The following PCDHGA2 variants were observed in gnomAD, a reference collection of about 807,000 sequenced individuals.
PCDHGA2 encodes protocadherin gamma subfamily A, 2.
PCDHGA2 carries 40 observed loss-of-function variants against 59.2 expected under a neutral mutation model. The ratio of observed to expected loss-of-function variants is 0.68; its 90% CI spans 0.52 to 0.88. The LOEUF is 0.88. Among genes scored for constraint, PCDHGA2 ranks in the 40% least tolerant of loss-of-function variants. The probability of loss-of-function intolerance (pLI) is 0.00; values close to 1 mark genes in which losing one functional copy is unlikely to be tolerated. For missense variants in PCDHGA2, 1,226 were observed against 1,204.0 expected (o/e 1.02, Z -0.27); for synonymous variants, 560 against 526.0 (o/e 1.06, Z -0.89).
intron 1 of PCDHGA2, chr5:141,346,261 C>T (rs7736541): frequency 0.46 from 746,033 of 1,613,822 alleles, 179,365 homozygotes; most frequent in African/African-American, 0.8. Context: ...TTTGTGGGCG[C>T]GGACGGGGTT....
chr5:141,405,838 T>C (rs1561702145), intron 1 of PCDHGA2, among the ~76,000 whole-genome samples: 4 of 152,300 alleles, frequency 2.6e-5, no homozygotes, highest in Admixed American at 2.0e-4. Flanking sequence ...TAGTATAAGT[T>C]GATATCAGTG....
intron 1 of PCDHGA2, chr5:141,468,556 GAT>G (rs754546771): frequency 6.6e-6 from 1 of 151,930 alleles, no homozygotes; most frequent in Non-Finnish European, 1.5e-5. Flanking sequence ...TAACATTTGT[GAT>G]ATAGTAAACA....
At chr5:141,405,545 AAGTAGAGTAGCTGGGACTAG>A (rs1053729516) in intron 1 of PCDHGA2, 17 of 631,162 alleles carry the variant, frequency 2.7e-5, no homozygotes, top group African/African-American at 9.2e-5. Flanking sequence ...TCAGCCTCCC[AAGTAGAGTAGCTGGGACTAG>A]AGTAGAGTAG....
intron 1 of PCDHGA2, chr5:141,389,114 C>A: frequency 1.2e-6 from 2 of 1,614,004 alleles, no homozygotes; most frequent in Non-Finnish European, 1.7e-6. Flanking sequence ...TTCTAGACCG[C>A]GAGCAGAATC....
In PCDHGA2 at chr5:141,345,423, A is replaced by G. The variant is rs190743421; in HGVS notation, c.2424+4028A>G. On this transcript the variant is annotated intron_variant, in intron 1 of 3. Coordinates refer to ENST00000394576, the MANE Select transcript of PCDHGA2 (RefSeq NM_018915.4). ...ATCCTACTCCGCCTACATTCCAGAAAACAACCCCAGAGGAGCCTCCATCTT... is the reference window on the plus strand; with the variant it reads ...ATCCTACTCCGCCTACATTCCAGAAGACAACCCCAGAGGAGCCTCCATCTT... The G allele has an allele frequency of 9.9e-5, 160 of 1,613,976 alleles. No homozygotes were observed. The African/African-American group carries it at 1.9e-3, about 20-fold the overall frequency.
intron 1 of PCDHGA2, chr5:141,410,428 C>A (rs376561050): frequency 5.0e-6 from 8 of 1,613,906 alleles, no homozygotes; most frequent in African/African-American, 1.3e-5. Flanking sequence ...TTCCCCCCAA[C>A]TACAGTGAGG....
rs761396116 is a variant in PCDHGA2 at position 141,409,790 on chromosome 5, C to T, written c.2424+68395C>T. 4 of 1,612,010 alleles carry T rather than the reference C, an allele frequency of 2.5e-6. No homozygotes were observed. The Admixed American group carries it at 5.0e-5, about 20-fold the overall frequency. ...TCACGAGCAGCTGCGCGCCTTCGCGCTCACGCTGCAGGCCCGCGACCACGG... is the reference window on the plus strand; with the variant it reads ...TCACGAGCAGCTGCGCGCCTTCGCGTTCACGCTGCAGGCCCGCGACCACGG... On this transcript the variant is annotated intron_variant, in intron 1 of 3. Transcript: ENST00000394576.
intron 1 of PCDHGA2, among the ~76,000 whole-genome samples, chr5:141,472,346 C>G (rs1393301393): frequency 6.6e-6 from 1 of 151,722 alleles, no homozygotes; most frequent in Non-Finnish European, 1.5e-5. Flanking sequence ...TCGAGACCAT[C>G]CTGGCTAACA....
In PCDHGA2 at chr5:141,432,847, G is replaced by C. The variant is rs768265171; in HGVS notation, c.2425-61960G>C. ...ACCTCACTCTGTACCTGGTGGTAGC[G>C]GTGGCCGCGGTCTCCTGCGTCTTCC... On this transcript the variant is annotated intron_variant, in intron 1 of 3. Transcript: ENST00000394576. The surrounding 1 kb of genome is among the most constrained non-coding windows in gnomAD (Gnocchi z 6.0). The C allele has an allele frequency of 1.2e-6, 2 of 1,614,180 alleles. No homozygotes were observed. Among genetic ancestry groups the C allele is most frequent in the Admixed American group, 1.7e-5 (1 of 60,032 alleles).
At chr5:141,461,981 G>A (rs755173695) in intron 1 of PCDHGA2, among the ~76,000 whole-genome samples, 4 of 152,078 alleles carry the variant, frequency 2.6e-5, no homozygotes, top group Non-Finnish European at 5.9e-5. Context: ...ATGCCACCAC[G>A]CCAGGCTAAT....
intron 1 of PCDHGA2, chr5:141,407,918 C>T (rs890872713): frequency 1.1e-5 from 5 of 472,514 alleles, no homozygotes. Context: ...GGGCTGCTGT[C>T]CCGCACGGAG....
intron 1 of PCDHGA2, chr5:141,410,195 G>A (rs769655902): frequency 1.1e-5 from 18 of 1,613,966 alleles, no homozygotes; most frequent in Non-Finnish European, 1.0e-5. Context: ...TCTGGTCTTC[G>A]CAGACAACTT....
In PCDHGA2 at chr5:141,338,839, G is replaced by C; in HGVS notation, c.-133G>C. Reference sequence around the variant, plus strand: ...TTCAGGACACCAAAGAAATTCAGTCGAACAGCCCACCAGTTCTCTCCATAG... The same window carrying C: ...TTCAGGACACCAAAGAAATTCAGTCCAACAGCCCACCAGTTCTCTCCATAG... On this transcript the variant is annotated 5_prime_UTR_variant, in exon 1 of 4. Coordinates refer to ENST00000394576, the MANE Select transcript of PCDHGA2 (RefSeq NM_018915.4). 7.2e-7 allele frequency: 1 copy of C among 1,393,596 alleles called. No homozygotes were observed. The highest frequency in any genetic ancestry group is 9.3e-7 in the Non-Finnish European group (1 of 1,077,282). 86.3% of individuals were successfully genotyped at this position (1,393,596 alleles called of 1,614,324 possible). A position where few individuals can be genotyped will look rare whatever the true frequency, so the allele number is the denominator to read the frequency against.
intron 1 of PCDHGA2, among the ~76,000 whole-genome samples, chr5:141,483,644 G>GTGTT (rs919432945): frequency 6.8e-6 from 1 of 146,522 alleles, no homozygotes; most frequent in Non-Finnish European, 1.5e-5. Flanking sequence ...AGAGGGGTGT[G>GTGTT]TGTTTGTGTG....
At chr5:141,427,694 A>G in intron 1 of PCDHGA2, 2 of 913,934 alleles carry the variant, frequency 2.2e-6, no homozygotes, top group South Asian at 1.4e-5. Flanking sequence ...CCTCCATCCC[A>G]CAAGTCAGCG....
rs557968224 is a variant in PCDHGA2, at chr5:141,360,941, G to A, written c.2424+19546G>A. On this transcript the variant is annotated intron_variant, in intron 1 of 3. Coordinates refer to ENST00000394576, the MANE Select transcript of PCDHGA2 (RefSeq NM_018915.4). ...GTGCTTCAAGTGACAGCCACCGACC[G>A]GGATGAAGGCATAAACGCAGAGATC... The A allele has an allele frequency of 2.5e-6, 4 of 1,613,946 alleles. No homozygotes were observed. The South Asian group carries it at 3.3e-5, about 13-fold the overall frequency.
At chr5:141,480,715 G>A (rs906358826) in intron 1 of PCDHGA2, among the ~76,000 whole-genome samples, 1 of 152,124 alleles carries the variant, frequency 6.6e-6, no homozygotes, top group African/African-American at 2.4e-5. Flanking sequence ...ACAAATGAAA[G>A]CACAGTCTCT....
intron 1 of PCDHGA2, chr5:141,350,429 C>T (rs747653356): frequency 6.2e-7 from 1 of 1,609,682 alleles, no homozygotes; most frequent in African/African-American, 1.3e-5. Flanking sequence ...GCTCAGTGTC[C>T]GGGAGTTGCC....
chr5:141,394,619 C>T, intron 1 of PCDHGA2: 1 of 1,613,528 alleles, frequency 6.2e-7, no homozygotes, highest in Non-Finnish European at 8.5e-7. Flanking sequence ...GCCAGAACGC[C>T]TGGCTGTCCT....
Sources: gnomAD v4.1 joint callset for allele counts (sites outside exome capture counted in the v4.1 genomes callset) on GRCh38, gnomAD v4.1.1 for gene constraint, Gnocchi (gnomAD v3.1) non-coding constraint, MANE v1.5 for transcripts, NCBI Gene and HGNC (gene_info 2026-07-23, HGNC 2026-07-21) for gene names.